DLGAP2: variants seen among roughly 807,000 people sequenced by gnomAD.
DLGAP2 encodes disks large-associated protein 2.
In DLGAP2, 26 loss-of-function variants were observed where a neutral mutation model predicts 100.3. The ratio of observed to expected loss-of-function variants is 0.26; its 90% CI spans 0.19 to 0.36. DLGAP2 has a LOEUF of 0.36. Among genes scored for constraint, DLGAP2 ranks in the 10% least tolerant of loss-of-function variants. The pLI is 1.00. For synonymous variants in DLGAP2, 886 were observed against 630.1 expected, an observed-to-expected ratio of 1.41 and a Z score of -6.08; for missense variants, 1,858 against 1,453.2, an observed-to-expected ratio of 1.28 and a Z score of -4.53.
intron 3 of DLGAP2, among the ~76,000 whole-genome samples, chr8:1,311,868 T>C (rs558729840): frequency 6.6e-6 from 1 of 152,326 alleles, no homozygotes; most frequent in South Asian, 2.1e-4. Context: ...TTAATGTATA[T>C]GCACCTGACA....
intron 4 of DLGAP2, among the ~76,000 whole-genome samples, chr8:1,518,906 G>T (rs540366175): frequency 6.6e-6 from 1 of 152,188 alleles, no homozygotes. Context: ...TCTCACGCCA[G>T]TGCCCGTGCT....
At chr8:1,291,581 GGGAA>G (rs1271544963) in intron 3 of DLGAP2, among the ~76,000 whole-genome samples, 1 of 152,098 alleles carries the variant, frequency 6.6e-6, no homozygotes, top group African/African-American at 2.4e-5. Flanking sequence ...GGTGATTCTG[GGGAA>G]GCCCCTGCCT....
intron 6 of DLGAP2, among the ~76,000 whole-genome samples, chr8:1,623,456 C>G (rs1044907663): frequency 4.0e-5 from 6 of 151,770 alleles, no homozygotes; most frequent in African/African-American, 1.5e-4. Context: ...TGACCTGACA[C>G]CAGCGCGCAA....
chr8:1,048,557 T>C (rs900808449), intron 2 of DLGAP2, among the ~76,000 whole-genome samples: 1 of 151,668 alleles, frequency 6.6e-6, no homozygotes, highest in African/African-American at 2.4e-5. Flanking sequence ...TCTCTTCTGC[T>C]TGAAATGATG....
At chr8:984,688 G>T (rs1261227752) in intron 2 of DLGAP2, among the ~76,000 whole-genome samples, 5 of 152,222 alleles carry the variant, frequency 3.3e-5, no homozygotes, top group African/African-American at 4.8e-5. Context: ...AAGACAGGAC[G>T]TGATTAGCTG....
chr8:921,897 C>A (rs573380833), intron 2 of DLGAP2, among the ~76,000 whole-genome samples: 164 of 152,374 alleles, frequency 1.1e-3, no homozygotes, highest in African/African-American at 3.5e-3. Flanking sequence ...GACGGCGAGA[C>A]GTTCGGGCAG....
At position 1,455,302 on chromosome 8, in the gene DLGAP2, C is replaced by T. The variant is rs1798279157; in HGVS notation, c.107-46064C>T. The stretch of plus-strand genomic sequence containing the variant: ...GATTCTCATGCGCTGGGGCAGGGCC[C>T]CTCTGGAGCTGCCTGCCTGCAGGTG... On this transcript the variant is annotated intron_variant, in intron 3 of 14. Coordinates refer to ENST00000637795, the MANE Select transcript of DLGAP2 (RefSeq NM_001346810.2). Among the ~76,000 whole-genome samples, 5 of 152,354 alleles carry T rather than the reference C, an allele frequency of 3.3e-5. No individual in the cohort carries two copies. The Middle Eastern group carries it at 0.01, about 311-fold the overall frequency.
intron 10 of DLGAP2, among the ~76,000 whole-genome samples, chr8:1,671,543 C>T (rs1798690935): frequency 6.6e-6 from 1 of 152,204 alleles, no homozygotes; most frequent in Non-Finnish European, 1.5e-5. Context: ...GGTGGGGGGT[C>T]CTGTCCCACA....
At chr8:1,059,448 C>T (rs1802985970) in intron 2 of DLGAP2, among the ~76,000 whole-genome samples, 2 of 152,158 alleles carry the variant, frequency 1.3e-5, no homozygotes, top group South Asian at 2.1e-4. Context: ...TTTCTCCCTC[C>T]ATGAGACAGA....
chr8:1,555,536 G>A (rs1458160760), intron 5 of DLGAP2, among the ~76,000 whole-genome samples: 1 of 152,200 alleles, frequency 6.6e-6, no homozygotes, highest in Non-Finnish European at 1.5e-5. Context: ...ACAGGGCTTG[G>A]CAGGATCTCG....
chr8:1,692,690 T>G (rs113521150), intron 13 of DLGAP2, among the ~76,000 whole-genome samples: 4 of 152,024 alleles, frequency 2.6e-5, no homozygotes, highest in Non-Finnish European at 5.9e-5. Flanking sequence ...ACAACTACAA[T>G]GAAGAGATTA....
intron 2 of DLGAP2, among the ~76,000 whole-genome samples, chr8:990,445 TCCTGTTCTTCTCTCC>T (rs1800642672): frequency 3.6e-5 from 1 of 27,416 alleles, no homozygotes; most frequent in Non-Finnish European, 6.2e-5. Context: ...TACTCGGAGT[TCCTGTTCTTCTCTCC>T]CACCTTGCCC....
rs189575742 is a variant in DLGAP2, at chr8:1,136,393, G to A, written c.74-122458G>A. 7.2e-5 allele frequency among the ~76,000 whole-genome samples: 11 copies of A among 152,350 alleles called. No homozygotes were observed. The East Asian group carries it at 1.9e-3, about 27-fold the overall frequency. On this transcript the variant is annotated intron_variant, in intron 2 of 14. Coordinates refer to ENST00000637795, the MANE Select transcript of DLGAP2 (RefSeq NM_001346810.2). ...CAGCAGATGCTCGTGGGAGAGAAGG[G>A]AGTGGGAACACAGCTTCCCTGCAGC...
At chr8:1,119,912 G>T (rs117282761) in intron 2 of DLGAP2, among the ~76,000 whole-genome samples, 3,036 of 152,256 alleles carry the variant, frequency 0.02, 40 homozygotes, top group Non-Finnish European at 0.033. Flanking sequence ...TCACTAGAAA[G>T]GTTTCCTTGT....
intron 4 of DLGAP2, among the ~76,000 whole-genome samples, chr8:1,517,618 T>C (rs1563197355): frequency 6.6e-6 from 1 of 152,144 alleles, no homozygotes; most frequent in Admixed American, 6.5e-5. Flanking sequence ...TCCATCCGAA[T>C]GCAGGCACAC....
chr8:1,570,577 G>A (rs140441652), intron 6 of DLGAP2, among the ~76,000 whole-genome samples: 34 of 152,368 alleles, frequency 2.2e-4, no homozygotes, highest in African/African-American at 7.9e-4. Context: ...CAGTGTAGGT[G>A]CAGACGCTGT....
At chr8:1,416,936 A>T (rs1202200393) in intron 3 of DLGAP2, among the ~76,000 whole-genome samples, 1 of 151,924 alleles carries the variant, frequency 6.6e-6, no homozygotes, top group Non-Finnish European at 1.5e-5. Flanking sequence ...CCGGAAACAG[A>T]TTTGCTTCGT....
At chr8:1,200,586 C>G (rs1004274825) in intron 2 of DLGAP2, among the ~76,000 whole-genome samples, 1 of 152,214 alleles carries the variant, frequency 6.6e-6, no homozygotes. Context: ...CCTGCACGTC[C>G]CACTGCCACG....
intron 1 of DLGAP2, among the ~76,000 whole-genome samples, chr8:888,397 G>T (rs1246746276): frequency 2.0e-5 from 3 of 152,146 alleles, no homozygotes; most frequent in Non-Finnish European, 4.4e-5. Flanking sequence ...TTGTCCACCT[G>T]ATCCTCCATC....
Sources: gnomAD v4.1 joint callset for allele counts (sites outside exome capture counted in the v4.1 genomes callset) on GRCh38, gnomAD v4.1.1 for gene constraint, MANE v1.5 for transcripts, NCBI Gene and HGNC (gene_info 2026-07-23, HGNC 2026-07-21) for gene names.